CNTN4: variants seen among roughly 807,000 people sequenced by gnomAD.
CNTN4 encodes contactin-4.
Under a neutral mutation model 122.5 loss-of-function variants are expected in CNTN4, and 77 were observed. That is an observed-to-expected ratio of 0.63 (90% CI 0.52 to 0.76). The LOEUF is 0.76. Among genes scored for constraint, CNTN4 ranks in the 30% least tolerant of loss-of-function variants. CNTN4 has a pLI of 0.00. For synonymous variants in CNTN4, 512 were observed against 447.0 expected, an observed-to-expected ratio of 1.15 and a Z score of -1.83; for missense variants, 1,256 against 1,259.1, an observed-to-expected ratio of 1.00 and a Z score of 0.04.
In CNTN4 at chr3:2,866,684, C is replaced by A. The variant is rs564373471; in HGVS notation, c.455-68C>A. The A allele has an allele frequency of 1.6e-4, 234 of 1,442,518 alleles. 1 individual carries two copies. Among genetic ancestry groups the A allele is most frequent in the South Asian group, 5.6e-4 (49 of 87,126 alleles). 89.4% of individuals were successfully genotyped at this position (1,442,518 alleles called of 1,614,324 possible). A position where few individuals can be genotyped will look rare whatever the true frequency, so the allele number is the denominator to read the frequency against. On this transcript the variant is annotated intron_variant, in intron 7 of 24. Transcript: ENST00000418658. The stretch of plus-strand genomic sequence containing the variant: ...GTATACATTTTTAACCTGATCATTT[C>A]TTTCATGAAAACAGTAGAGTTCCAG...
In CNTN4 at chr3:2,385,401, A is replaced by G. The variant is rs528623051; in HGVS notation, c.-89+46168A>G. 3.3e-5 allele frequency among the ~76,000 whole-genome samples: 5 copies of G among 152,132 alleles called. No individual in the cohort carries two copies. The highest frequency in any genetic ancestry group is 1.2e-4 in the African/African-American group (5 of 41,540). On this transcript the variant is annotated intron_variant, in intron 3 of 24. Coordinates refer to ENST00000418658, the MANE Select transcript of CNTN4 (RefSeq NM_175607.3). This position sits in a 1 kb window ranked among gnomAD's most constrained non-coding sequence, Gnocchi z 4.0. ...AGGCAGAGTCTTTGTCCTTTTCTCC[A>G]CTATTACCTGAGCAATATTCCTGGT... is the stretch of plus-strand genomic sequence containing the variant.
At chr3:2,606,490 C>T (rs2081266285) in intron 4 of CNTN4, among the ~76,000 whole-genome samples, 1 of 152,082 alleles carries the variant, frequency 6.6e-6, no homozygotes. Flanking sequence ...TATCCCGGAA[C>T]TTAAAATAAA....
intron 13 of CNTN4, among the ~76,000 whole-genome samples, chr3:2,954,009 TA>T (rs2094773434): frequency 6.6e-6 from 1 of 152,248 alleles, no homozygotes; most frequent in South Asian, 2.1e-4. Flanking sequence ...GTTTTCATAC[TA>T]AACAGGGAAT....
At chr3:2,249,907 A>G (rs2040309788) in intron 2 of CNTN4, among the ~76,000 whole-genome samples, 1 of 151,796 alleles carries the variant, frequency 6.6e-6, no homozygotes, top group Non-Finnish European at 1.5e-5. Flanking sequence ...ATCCCTATAG[A>G]GGGATTTTGA....
At chr3:2,899,728 C>A (rs2094152582) in intron 10 of CNTN4, among the ~76,000 whole-genome samples, 1 of 152,118 alleles carries the variant, frequency 6.6e-6, no homozygotes, top group Non-Finnish European at 1.5e-5. Flanking sequence ...TTAAGTGCTA[C>A]TTTGAATTCT....
At chr3:2,672,597 A>G (rs1041633715) in intron 4 of CNTN4, among the ~76,000 whole-genome samples, 2 of 152,030 alleles carry the variant, frequency 1.3e-5, no homozygotes, top group Non-Finnish European at 2.9e-5. Flanking sequence ...TTCGGCTCAC[A>G]CTTGGTGCGC....
chr3:2,898,013 AC>A (rs200291605), intron 10 of CNTN4, among the ~76,000 whole-genome samples: 33 of 146,508 alleles, frequency 2.3e-4, no homozygotes, highest in African/African-American at 5.3e-4. Flanking sequence ...GAACTAGGTA[AC>A]CCCCCCCAAA....
At chr3:2,292,621 C>T (rs2042173788) in intron 2 of CNTN4, among the ~76,000 whole-genome samples, 3 of 146,106 alleles carry the variant, frequency 2.1e-5, no homozygotes, top group South Asian at 4.3e-4. Flanking sequence ...ACTTTTTATC[C>T]CTTAGAGTAT....
intron 2 of CNTN4, among the ~76,000 whole-genome samples, chr3:2,107,130 T>A (rs1454696144): frequency 6.6e-6 from 1 of 152,220 alleles, no homozygotes; most frequent in Non-Finnish European, 1.5e-5. Context: ...CCAAACTTTC[T>A]GACATCTTCC....
At chr3:2,367,237 TTTA>T (rs2045427197) in intron 3 of CNTN4, among the ~76,000 whole-genome samples, 1 of 152,200 alleles carries the variant, frequency 6.6e-6, no homozygotes. Context: ...AAGTGAACTA[TTTA>T]TTATTCTTGA....
chr3:2,125,556 CTTTTTCTTTTTTT>C (rs916891196), intron 2 of CNTN4, among the ~76,000 whole-genome samples: 10 of 133,334 alleles, frequency 7.5e-5, no homozygotes, highest in Admixed American at 8.7e-5. Context: ...TTTTCTTTTT[CTTTTTCTTTTTTT>C]TTTTTTTTGA....
intron 2 of CNTN4, among the ~76,000 whole-genome samples, chr3:2,273,479 A>G (rs183494254): frequency 7.2e-5 from 11 of 152,196 alleles, no homozygotes; most frequent in Non-Finnish European, 1.5e-4. Context: ...GAGATATTTA[A>G]CTTCACTTCT....
chr3:2,890,822 A>G (rs1250722058), intron 10 of CNTN4, among the ~76,000 whole-genome samples: 2 of 152,022 alleles, frequency 1.3e-5, no homozygotes, highest in Non-Finnish European at 1.5e-5. Flanking sequence ...CATCTTCCCA[A>G]TTTGTTTTTG....
intron 3 of CNTN4, 48 bp downstream of exon 3, chr3:2,339,281 A>G (rs2044087286): frequency 6.6e-6 from 1 of 152,148 alleles, no homozygotes. Flanking sequence ...GTTCACCTTG[A>G]TTAGCATCCT....
chr3:2,656,136 A>G (rs1416670291), intron 4 of CNTN4, among the ~76,000 whole-genome samples: 1 of 152,236 alleles, frequency 6.6e-6, no homozygotes, highest in South Asian at 2.1e-4. Context: ...GAATTTTTAA[A>G]ACAATTAAAA....
intron 6 of CNTN4, among the ~76,000 whole-genome samples, chr3:2,797,223 A>G (rs778767650): frequency 1.3e-5 from 2 of 152,068 alleles, no homozygotes; most frequent in South Asian, 2.1e-4. Context: ...CTGGTCTTGA[A>G]TTCCAAGCTA....
At chr3:2,354,929 G>T (rs1411260981) in intron 3 of CNTN4, among the ~76,000 whole-genome samples, 2 of 152,198 alleles carry the variant, frequency 1.3e-5, no homozygotes, top group Non-Finnish European at 2.9e-5. Flanking sequence ...ATTAGCAGCA[G>T]GAAGTGTCTT....
chr3:2,477,119 T>C (rs1215898642), intron 3 of CNTN4, among the ~76,000 whole-genome samples: 1 of 152,172 alleles, frequency 6.6e-6, no homozygotes, highest in Non-Finnish European at 1.5e-5. Context: ...ATGTAAAATC[T>C]GGCACAGGCT....
intron 2 of CNTN4, among the ~76,000 whole-genome samples, chr3:2,259,813 C>T (rs949416521): frequency 3.5e-4 from 53 of 152,144 alleles, no homozygotes; most frequent in African/African-American, 1.2e-3. Context: ...GATATCAGCT[C>T]GTGAGTGAGC....
Sources: allele counts gnomAD v4.1 joint callset (sites outside exome capture counted in the v4.1 genomes callset), GRCh38; gene constraint gnomAD v4.1.1; non-coding constraint Gnocchi (gnomAD v3.1); transcripts MANE v1.5; gene names NCBI Gene and HGNC (gene_info 2026-07-23, HGNC 2026-07-21).